Variants in MITF observed in about 807,000 individuals in gnomAD.
The protein encoded by MITF is melanocyte inducing transcription factor, also known as microphthalmia-associated transcription factor.
MITF carries 17 observed loss-of-function variants against 60.5 expected under a neutral mutation model. That is an observed-to-expected ratio of 0.28 (90% CI 0.19 to 0.42). The LOEUF (loss-of-function observed/expected upper bound fraction) is 0.42. Ranked by LOEUF, MITF falls within the 10% of genes least tolerant of loss-of-function variation. The pLI is 1.00. For missense variants in MITF, 622 were observed against 683.5 expected (o/e 0.91, Z 1.00); for synonymous variants, 260 against 248.5 (o/e 1.05, Z -0.43).
chr3:69,861,622 G>T (rs560007364), intron 1 of MITF, among the ~76,000 whole-genome samples: 1 of 152,296 alleles, frequency 6.6e-6, no homozygotes, highest in South Asian at 2.1e-4. Context: ...CTTCCCATTG[G>T]CATGTGAGTG....
chr3:69,914,341 T>C (rs28480308), intron 2 of MITF, among the ~76,000 whole-genome samples: 9,105 of 152,194 alleles, frequency 0.06, 700 homozygotes, highest in African/African-American at 0.18. Context: ...AGGCTGGTCT[T>C]GAACTCTTGA....
chr3:69,792,735 C>T (rs761304356), intron 1 of MITF, among the ~76,000 whole-genome samples: 1 of 151,976 alleles, frequency 6.6e-6, no homozygotes, highest in African/African-American at 2.4e-5. Flanking sequence ...AGCTCAAAAT[C>T]GCTACTTTTA....
intron 2 of MITF, among the ~76,000 whole-genome samples, chr3:69,914,961 G>T (rs2065302557): frequency 6.6e-6 from 1 of 152,126 alleles, no homozygotes. Flanking sequence ...TTAAATGTCT[G>T]CCATGAGTAA....
At chr3:69,925,218 C>T (rs887524850) in intron 2 of MITF, among the ~76,000 whole-genome samples, 13 of 152,002 alleles carry the variant, frequency 8.6e-5, no homozygotes, top group African/African-American at 3.1e-4. Flanking sequence ...ATCCATGAGC[C>T]CATTTTGTAA....
rs115676844 is a variant in MITF, at chr3:69,835,520, T to G, written c.105-43614T>G. Among the ~76,000 whole-genome samples, 490 of 152,280 alleles carry G rather than the reference T, an allele frequency of 3.2e-3. 1 individual carries two copies. Among genetic ancestry groups the G allele is most frequent in the African/African-American group, 0.011 (450 of 41,548 alleles). On this transcript the variant is annotated intron_variant, in intron 1 of 9. Transcript: ENST00000352241. ...CTATTTTTGCTTTTGTTGCCTGTAT[T>G]TTTGAGGTCTTATTTAAAAAATCCT...
chr3:69,762,442 A>AT (rs1377302148), intron 1 of MITF, among the ~76,000 whole-genome samples: 1 of 152,220 alleles, frequency 6.6e-6, no homozygotes, highest in Non-Finnish European at 1.5e-5. Context: ...ATTACCTTGC[A>AT]TGTGTCTTTA....
chr3:69,844,995 C>T (rs1330710371), intron 1 of MITF, among the ~76,000 whole-genome samples: 3 of 152,006 alleles, frequency 2.0e-5, no homozygotes, highest in African/African-American at 7.2e-5. Context: ...CTGCCTGGGC[C>T]CTGTAGATGT....
intron 1 of MITF, among the ~76,000 whole-genome samples, chr3:69,792,491 T>C (rs1227132905): frequency 1.3e-5 from 2 of 152,234 alleles, no homozygotes; most frequent in East Asian, 3.9e-4. Context: ...AGTGTATAGA[T>C]AAAATGTGGT....
At chr3:69,951,718 C>A in intron 6 of MITF, 94 bp from the exon 7 acceptor site, 1 of 921,512 alleles carries the variant, frequency 1.1e-6, no homozygotes, top group Non-Finnish European at 1.8e-6. Context: ...GTCAAATAAG[C>A]TTCTGTATGT....
chr3:69,905,726 A>C (rs1430240547), intron 2 of MITF, among the ~76,000 whole-genome samples: 1 of 150,128 alleles, frequency 6.7e-6, no homozygotes, highest in African/African-American at 2.5e-5. Context: ...TTTTTTTTTA[A>C]ATTTGCATTT....
chr3:69,760,721 CA>C (rs1019595228), intron 1 of MITF, among the ~76,000 whole-genome samples: 3 of 152,088 alleles, frequency 2.0e-5, no homozygotes, highest in Non-Finnish European at 4.4e-5. Context: ...CTGTGGAGAC[CA>C]GGAAATAAGC....
Position 69,965,336 on chromosome 3 carries a change from A to G in MITF, c.*88A>G. 2 of 1,456,978 alleles carry G rather than the reference A, an allele frequency of 1.4e-6. No individual in the cohort carries two copies. The highest frequency in any genetic ancestry group is 2.0e-5 in the Admixed American group (1 of 50,550). 90.3% of individuals were successfully genotyped at this position (1,456,978 alleles called of 1,614,324 possible). ...CTTACCTGAAGGGGTTTTCTTGATAATTTTCCTTTAATATGAAATTTTTTT... is the reference window on the plus strand; with the variant it reads ...CTTACCTGAAGGGGTTTTCTTGATAGTTTTCCTTTAATATGAAATTTTTTT... On this transcript the variant is annotated 3_prime_UTR_variant, in exon 10 of 10. Transcript: ENST00000352241.
intron 1 of MITF, among the ~76,000 whole-genome samples, chr3:69,787,075 A>G (rs1449396390): frequency 6.6e-6 from 1 of 151,854 alleles, no homozygotes; most frequent in Non-Finnish European, 1.5e-5. Context: ...GCATGTGGTG[A>G]GAGAGAGAGA....
chr3:69,812,647 G>A (rs2063118493), intron 1 of MITF, among the ~76,000 whole-genome samples: 1 of 152,104 alleles, frequency 6.6e-6, no homozygotes, highest in Admixed American at 6.5e-5. Flanking sequence ...TTTAGATAGA[G>A]TTCAATTTTT....
In MITF at chr3:69,805,241, G is replaced by A. The variant is rs552165892; in HGVS notation, c.104+65540G>A. 1.3e-4 allele frequency among the ~76,000 whole-genome samples: 19 copies of A among 151,740 alleles called. No individual in the cohort carries two copies. The South Asian group carries it at 3.4e-3, about 27-fold the overall frequency. The stretch of plus-strand genomic sequence containing the variant: ...TCTCCATTTGTAATCCTTTCTTCTC[G>A]GTTGGAAGGAAACTAGAATTTAAAA... On this transcript the variant is annotated intron_variant, in intron 1 of 9. Coordinates refer to ENST00000352241, the MANE Select transcript of MITF (RefSeq NM_001354604.2).
At chr3:69,831,991 C>G (rs980710591) in intron 1 of MITF, among the ~76,000 whole-genome samples, 3 of 152,146 alleles carry the variant, frequency 2.0e-5, no homozygotes, top group African/African-American at 7.2e-5. Context: ...AGCCGGTGCC[C>G]CAATTTACAC....
chr3:69,756,090 A>G (rs1704135913), intron 1 of MITF, among the ~76,000 whole-genome samples: 1 of 151,830 alleles, frequency 6.6e-6, no homozygotes, highest in Non-Finnish European at 1.5e-5. Context: ...CTCTAACCAC[A>G]TAGTCAATTC....
chr3:69,808,903 C>A (rs967671428), intron 1 of MITF, among the ~76,000 whole-genome samples: 3 of 152,016 alleles, frequency 2.0e-5, no homozygotes, highest in African/African-American at 7.2e-5. Flanking sequence ...AGAGATTGAA[C>A]AGGGATGGGT....
chr3:69,850,744 C>T (rs1183317725), intron 1 of MITF, among the ~76,000 whole-genome samples: 1 of 152,184 alleles, frequency 6.6e-6, no homozygotes, highest in Non-Finnish European at 1.5e-5. Flanking sequence ...GACAGTGGCT[C>T]AGGCTCCCCA....
Sources: gnomAD v4.1 joint callset for allele counts (sites outside exome capture counted in the v4.1 genomes callset) on GRCh38, gnomAD v4.1.1 for gene constraint, MANE v1.5 for transcripts, NCBI Gene and HGNC (gene_info 2026-07-23, HGNC 2026-07-21) for gene names.